Variants in PTPRR observed in about 807,000 individuals in gnomAD.
PTPRR encodes the protein protein tyrosine phosphatase receptor type R.
In PTPRR, 38 loss-of-function variants were observed where a neutral mutation model predicts 77.2. That is an observed-to-expected ratio of 0.49 (90% CI 0.38 to 0.65). The LOEUF (loss-of-function observed/expected upper bound fraction) is 0.65. Ranked by LOEUF, PTPRR falls within the 30% of genes least tolerant of loss-of-function variation. The pLI is 0.00. For synonymous variants in PTPRR, 299 were observed against 283.1 expected, an observed-to-expected ratio of 1.06 and a Z score of -0.57; for missense variants, 744 against 799.2, an observed-to-expected ratio of 0.93 and a Z score of 0.83.
At chr12:70,708,216 C>T (rs1888688644) in intron 6 of PTPRR, among the ~76,000 whole-genome samples, 1 of 152,036 alleles carries the variant, frequency 6.6e-6, no homozygotes, top group African/African-American at 2.4e-5. Context: ...CCTGTTGTAC[C>T]CAGTCATGAA....
At chr12:70,689,872 G>C (rs1409702468) in intron 8 of PTPRR, among the ~76,000 whole-genome samples, 1 of 152,174 alleles carries the variant, frequency 6.6e-6, no homozygotes, top group Non-Finnish European at 1.5e-5. Flanking sequence ...TCTTTCTTTA[G>C]CAATAAGATC....
chr12:70,767,586 G>C (rs1326927302), intron 2 of PTPRR, among the ~76,000 whole-genome samples: 1 of 152,058 alleles, frequency 6.6e-6, no homozygotes, highest in Non-Finnish European at 1.5e-5. Flanking sequence ...ACACCCCACT[G>C]TCAACATTAG....
intron 13 of PTPRR, chr12:70,639,496 C>T: frequency 1.6e-6 from 2 of 1,289,802 alleles, no homozygotes; most frequent in Non-Finnish European, 2.0e-6. Context: ...CCAGCACACA[C>T]TAGGCACGTG....
chr12:70,682,347 T>C (rs1410589592), intron 10 of PTPRR, among the ~76,000 whole-genome samples: 1 of 152,180 alleles, frequency 6.6e-6, no homozygotes, highest in African/African-American at 2.4e-5. Flanking sequence ...CCGGCCGTTG[T>C]TCACTTTTTT....
Position 70,761,464 on chromosome 12 carries a change from A to C in PTPRR, c.627+7T>G. The C allele has an allele frequency of 1.3e-6, 2 of 1,583,358 alleles. No homozygotes were observed. Among genetic ancestry groups the C allele is most frequent in the Non-Finnish European group, 1.7e-6 (2 of 1,165,296 alleles). On this transcript the variant is annotated splice_region_variant and intron_variant, in intron 4 of 13. Coordinates refer to ENST00000283228, the MANE Select transcript of PTPRR (RefSeq NM_002849.4). The stretch of plus-strand genomic sequence containing the variant: ...TTTTAAATGAATTGTTTCGTGCAAC[A>C]ACATACCTCAGGAGAGACTTCTGTA...
chr12:70,810,559 T>C (rs1420706058), intron 2 of PTPRR, among the ~76,000 whole-genome samples: 1 of 152,174 alleles, frequency 6.6e-6, no homozygotes, highest in East Asian at 1.9e-4. Flanking sequence ...TCTTGAATAC[T>C]GAATTAATGC....
At chr12:70,873,725 T>C (rs995127533) in intron 2 of PTPRR, among the ~76,000 whole-genome samples, 2 of 151,976 alleles carry the variant, frequency 1.3e-5, no homozygotes, top group Non-Finnish European at 2.9e-5. Context: ...AAGTCATATG[T>C]CTAGGCTGCA....
chr12:70,673,904 A>G (rs1426574930), intron 10 of PTPRR, among the ~76,000 whole-genome samples: 3 of 152,128 alleles, frequency 2.0e-5, no homozygotes, highest in African/African-American at 7.2e-5. Context: ...TTAGACTTCA[A>G]AAAATTGACT....
intron 2 of PTPRR, among the ~76,000 whole-genome samples, chr12:70,861,922 G>A (rs1174387397): frequency 6.6e-6 from 1 of 152,136 alleles, no homozygotes; most frequent in Non-Finnish European, 1.5e-5. Flanking sequence ...CAGAAATGGA[G>A]CAAATGCTCA....
At chr12:70,674,023 T>C (rs938894510) in intron 10 of PTPRR, among the ~76,000 whole-genome samples, 2 of 152,098 alleles carry the variant, frequency 1.3e-5, no homozygotes, top group Admixed American at 6.5e-5. Flanking sequence ...AACCTCAATC[T>C]TCTGGGCTCC....
In PTPRR at chr12:70,842,518, C is replaced by A. The variant is rs183913328; in HGVS notation, c.357+50161G>T. Reference sequence around the variant, plus strand: ...GTTGCAGGGCTGCGCTTCCTCCCCCCAAAAATGGAGAATCTGTTCTTTGCC... The same window carrying A: ...GTTGCAGGGCTGCGCTTCCTCCCCCAAAAAATGGAGAATCTGTTCTTTGCC... On this transcript the variant is annotated intron_variant, in intron 2 of 13. Coordinates refer to ENST00000283228, the MANE Select transcript of PTPRR (RefSeq NM_002849.4). 1.1e-4 allele frequency among the ~76,000 whole-genome samples: 16 copies of A among 152,294 alleles called. No individual in the cohort carries two copies. In the East Asian group the frequency reaches 2.9e-3, roughly 28 times the overall value.
chr12:70,709,386 C>T (rs1406396614), intron 6 of PTPRR, among the ~76,000 whole-genome samples: 2 of 152,152 alleles, frequency 1.3e-5, no homozygotes, highest in African/African-American at 4.8e-5. Context: ...AAGCCGGAAG[C>T]ATTCCCCTTG....
intron 1 of PTPRR, among the ~76,000 whole-genome samples, chr12:70,900,864 T>C (rs1204136008): frequency 2.6e-5 from 4 of 151,454 alleles, no homozygotes; most frequent in Non-Finnish European, 5.9e-5. Context: ...TCAAAAAAGA[T>C]GAAAGTTAAG....
chr12:70,765,292 G>C (rs765127168), intron 2 of PTPRR, among the ~76,000 whole-genome samples: 4 of 152,160 alleles, frequency 2.6e-5, no homozygotes, highest in Non-Finnish European at 5.9e-5. Context: ...CTGGAAAATC[G>C]GGTCACTCCC....
At chr12:70,896,318 A>G (rs368818021) in intron 1 of PTPRR, among the ~76,000 whole-genome samples, 1 of 151,648 alleles carries the variant, frequency 6.6e-6, no homozygotes, top group African/African-American at 2.4e-5. Flanking sequence ...TAGTAAGTAG[A>G]TTGAGGAGAA....
intron 6 of PTPRR, among the ~76,000 whole-genome samples, chr12:70,745,380 T>C (rs1592726256): frequency 6.6e-6 from 1 of 152,298 alleles, no homozygotes; most frequent in East Asian, 1.9e-4. Context: ...AATGCAGAGC[T>C]AAAACTTTAA....
intron 6 of PTPRR, among the ~76,000 whole-genome samples, chr12:70,739,318 G>T (rs932084618): frequency 1.3e-5 from 2 of 152,128 alleles, no homozygotes; most frequent in African/African-American, 4.8e-5. Context: ...TCCTTTGAAG[G>T]TGGAGCAGAT....
chr12:70,849,362 A>T (rs1892537169), intron 2 of PTPRR, among the ~76,000 whole-genome samples: 1 of 152,218 alleles, frequency 6.6e-6, no homozygotes, highest in Non-Finnish European at 1.5e-5. Flanking sequence ...ACTCAAGAAG[A>T]AAGGTTTGGA....
intron 2 of PTPRR, among the ~76,000 whole-genome samples, chr12:70,861,649 A>C (rs1331898279): frequency 6.6e-6 from 1 of 152,118 alleles, no homozygotes. Flanking sequence ...GGCTGCAGTG[A>C]ACACAGTTGG....
Sources: gnomAD v4.1 joint callset for allele counts (sites outside exome capture counted in the v4.1 genomes callset) on GRCh38, gnomAD v4.1.1 for gene constraint, MANE v1.5 for transcripts, NCBI Gene and HGNC (gene_info 2026-07-23, HGNC 2026-07-21) for gene names.